Variants in MYO18B observed in about 807,000 individuals in gnomAD.
MYO18B encodes unconventional myosin-XVIIIb.
MYO18B carries 204 observed loss-of-function variants against 273.0 expected under a neutral mutation model. That is an observed-to-expected ratio of 0.75 (90% confidence interval 0.67 to 0.84). The LOEUF (loss-of-function observed/expected upper bound fraction) is 0.84. Among genes scored for constraint, MYO18B ranks in the 40% least tolerant of loss-of-function variants. The pLI, the probability that MYO18B is intolerant of heterozygous loss-of-function variation, is 0.00. For synonymous variants in MYO18B, 1,330 were observed against 1,305.7 expected (o/e 1.02, Z -0.40); for missense variants, 3,212 against 3,287.6 (o/e 0.98, Z 0.56).
intron 12 of MYO18B, among the ~76,000 whole-genome samples, chr22:25,821,354 C>G (rs911913859): frequency 3.3e-5 from 5 of 150,974 alleles, no homozygotes; most frequent in African/African-American, 1.2e-4. Context: ...GTCACCCCAT[C>G]CTACTGGAGT....
chr22:25,941,477 A>G (rs2092643432), intron 34 of MYO18B, among the ~76,000 whole-genome samples: 1 of 152,172 alleles, frequency 6.6e-6, no homozygotes, highest in Non-Finnish European at 1.5e-5. Context: ...GCATTTTCAA[A>G]GGCGAGTCTG....
At chr22:25,886,339 G>A (rs1301248423) in intron 25 of MYO18B, among the ~76,000 whole-genome samples, 1 of 152,234 alleles carries the variant, frequency 6.6e-6, no homozygotes, top group Non-Finnish European at 1.5e-5. Flanking sequence ...CTAAGCTGCA[G>A]ATTTATTTTG....
chr22:25,950,877 A>G (rs1357053520), intron 37 of MYO18B, among the ~76,000 whole-genome samples: 1 of 152,128 alleles, frequency 6.6e-6, no homozygotes, highest in African/African-American at 2.4e-5. Context: ...CAGCTGGGAA[A>G]TACGTTAAGT....
At chr22:26,058,189 G>A in the MYO18B span, among the ~76,000 whole-genome samples, 218 of 152,260 alleles carry the variant, frequency 1.4e-3, 1 homozygote, top group Middle Eastern at 6.8e-3. Flanking sequence ...AAGTACTAGG[G>A]CAGACCAACT....
In MYO18B at chr22:25,963,178, TCA is replaced by T. The variant is rs1555968886; in HGVS notation, c.6156+7845_6156+7846del. ...TCTTTCTCCTCTCTCTCTCTCTCTC[TCA>T]CACACACACACACACACACACACAC... is the stretch of plus-strand genomic sequence containing the variant. On this transcript the variant is annotated intron_variant, in intron 39 of 43. Coordinates refer to ENST00000335473, the MANE Select transcript of MYO18B (RefSeq NM_032608.7). Among the ~76,000 whole-genome samples the T allele has an allele frequency of 2.0e-3, 293 of 144,154 alleles. 1 individual carries two copies. Among genetic ancestry groups the T allele is most frequent in the Admixed American group, 3.7e-3 (54 of 14,590 alleles). The allele number at this position is 144,154 out of a possible 152,430, so 94.6% of individuals were successfully genotyped here. A position where few individuals can be genotyped will look rare whatever the true frequency, so the allele number is the denominator to read the frequency against.
intron 43 of MYO18B, among the ~76,000 whole-genome samples, chr22:26,030,134 G>T (rs1037864715): frequency 6.6e-6 from 1 of 152,212 alleles, no homozygotes; most frequent in African/African-American, 2.4e-5. Context: ...TCTTTGGGAG[G>T]CTGAGGCAGG....
At chr22:25,948,424 T>C in intron 36 of MYO18B, among the ~76,000 whole-genome samples, 1 of 112,536 alleles carries the variant, frequency 8.9e-6, no homozygotes, top group African/African-American at 4.8e-5. Flanking sequence ...CCTTCCTTCC[T>C]TCCTTCCTTC....
the MYO18B span, among the ~76,000 whole-genome samples, chr22:26,054,135 A>G: frequency 1.3e-5 from 2 of 152,206 alleles, no homozygotes; most frequent in East Asian, 1.9e-4. Context: ...GGTGACTGCT[A>G]TTTTCCCAGG....
chr22:25,970,016 C>T (rs1212749947), intron 39 of MYO18B, among the ~76,000 whole-genome samples: 3 of 151,982 alleles, frequency 2.0e-5, no homozygotes, highest in Admixed American at 6.6e-5. Flanking sequence ...TCATCTTTTC[C>T]ACCATTCCCA....
At chr22:25,818,454 G>A (rs1375296178) in intron 12 of MYO18B, among the ~76,000 whole-genome samples, 1 of 152,202 alleles carries the variant, frequency 6.6e-6, no homozygotes, top group Non-Finnish European at 1.5e-5. Flanking sequence ...ACTTTACTGG[G>A]TCTGTTCTGC....
In MYO18B at chr22:26,027,003, G is replaced by C. The variant is rs1936297324; in HGVS notation, c.7029G>C (p.Lys2343Asn). 6.2e-7 allele frequency: 1 copy of C among 1,613,846 alleles called. No individual in the cohort carries two copies. Among genetic ancestry groups the C allele is most frequent in the Non-Finnish European group, 8.5e-7 (1 of 1,179,896 alleles). ...GVGGTTLLPE[K>N]SKTQFSSCES... ...GGGGCACAACCCTACTCCCCGAAAAGTCGAAAACCCAATTCAGTTCCTGCG... is the reference window on the plus strand; with the variant it reads ...GGGGCACAACCCTACTCCCCGAAAACTCGAAAACCCAATTCAGTTCCTGCG... The change falls in exon 43 of 44, where the codon AAG becomes AAC. Residue 2343 changes from lysine (K) to asparagine (N), a missense_variant. Physicochemically the swap from Lys to Asn is moderately conservative, Grantham distance 94. Transcript: ENST00000335473. The surrounding 1 kb of genome is among the most constrained non-coding windows in gnomAD (Gnocchi z 4.1).
At chr22:25,912,786 T>C (rs1484301870) in intron 33 of MYO18B, among the ~76,000 whole-genome samples, 1 of 152,108 alleles carries the variant, frequency 6.6e-6, no homozygotes, top group Non-Finnish European at 1.5e-5. Context: ...CTTTCTTTCC[T>C]CCCTCCCCAG....
Position 26,027,616 on chromosome 22 carries a change from C to T in MYO18B, c.7642C>T (p.Pro2548Ser). The change falls in exon 43 of 44, where the codon CCA (proline) becomes TCA (serine). Residue 2548 changes from proline (P) to serine (S), a missense_variant. Transcript: ENST00000335473. This position sits in a 1 kb window ranked among gnomAD's most constrained non-coding sequence, Gnocchi z 4.1. The stretch of plus-strand genomic sequence containing the variant: ...GCGAACGTCCCCCGAGCGGAGAGAG[C>T]CAGGGACGGGGAGGAAAGACGACGA... ...GERTSPERREPGTGRKDDDVA... is the reference protein window; with the variant it reads ...GERTSPERRESGTGRKDDDVA... 2.5e-6 allele frequency: 4 copies of T among 1,613,774 alleles called. No individual in the cohort carries two copies. Among genetic ancestry groups the T allele is most frequent in the Non-Finnish European group, 3.4e-6 (4 of 1,179,834 alleles).
At chr22:25,896,100 T>G (rs752733343) in intron 28 of MYO18B, among the ~76,000 whole-genome samples, 1 of 152,184 alleles carries the variant, frequency 6.6e-6, no homozygotes, top group Non-Finnish European at 1.5e-5. Context: ...TTTCACTTTC[T>G]TTGGCAGCAG....
At chr22:25,901,955 A>G (rs887485118) in intron 29 of MYO18B, among the ~76,000 whole-genome samples, 12 of 151,616 alleles carry the variant, frequency 7.9e-5, no homozygotes, top group Admixed American at 7.9e-4. Context: ...TGGGATTACA[A>G]GTGCATGCCA....
At chr22:25,875,885 A>G (rs748210754) in intron 23 of MYO18B, among the ~76,000 whole-genome samples, 4 of 151,956 alleles carry the variant, frequency 2.6e-5, no homozygotes, top group Non-Finnish European at 5.9e-5. Flanking sequence ...GATGTAACCT[A>G]TTGTATAGTT....
intron 6 of MYO18B, 31 bp downstream of exon 6, chr22:25,771,015 T>C: frequency 6.8e-7 from 1 of 1,461,878 alleles, no homozygotes; most frequent in Non-Finnish European, 9.4e-7. Context: ...TCCCCCAGCA[T>C]GAGTCCCCTG....
intron 7 of MYO18B, among the ~76,000 whole-genome samples, chr22:25,777,197 C>G (rs541415399): frequency 6.6e-6 from 1 of 152,204 alleles, no homozygotes; most frequent in South Asian, 2.1e-4. Context: ...TTCCCTGTGT[C>G]CATAGCAGAC....
rs1393791676 is a variant in MYO18B, at chr22:25,770,186, G to A, written c.1579+10G>A. The A allele has an allele frequency of 6.2e-7, 1 of 1,613,586 alleles. No individual in the cohort carries two copies. The highest frequency in any genetic ancestry group is 1.7e-5 in the Admixed American group (1 of 59,994). On this transcript the variant is annotated intron_variant, in intron 5 of 43. Transcript: ENST00000335473. Reference sequence around the variant, plus strand: ...GATGGATTTACTCTTGGTAAGTAGGGGTGTTAGCACCTTTGGAGGGTCTGA... The same window carrying A: ...GATGGATTTACTCTTGGTAAGTAGGAGTGTTAGCACCTTTGGAGGGTCTGA...
Sources: allele counts gnomAD v4.1 joint callset (sites outside exome capture counted in the v4.1 genomes callset), GRCh38; gene constraint gnomAD v4.1.1; non-coding constraint Gnocchi (gnomAD v3.1); transcripts MANE v1.5; gene names NCBI Gene and HGNC (gene_info 2026-07-23, HGNC 2026-07-21).